The following EPS15 variants were observed in gnomAD, a reference collection of about 807,000 sequenced individuals.
EPS15 encodes epidermal growth factor receptor substrate 15.
Under a neutral mutation model 113.8 loss-of-function variants are expected in EPS15, and 72 were observed. That is an observed-to-expected ratio of 0.63 (90% CI 0.52 to 0.77). EPS15 has a LOEUF of 0.77. Among genes scored for constraint, EPS15 ranks in the 30% least tolerant of loss-of-function variants. The probability of loss-of-function intolerance (pLI) is 0.00; values close to 1 mark genes in which losing one functional copy is unlikely to be tolerated. For synonymous variants in EPS15, 344 were observed against 363.4 expected, an observed-to-expected ratio of 0.95 and a Z score of 0.61; for missense variants, 1,048 against 1,045.8, an observed-to-expected ratio of 1.00 and a Z score of -0.03.
chr1:51,413,284 T>G (rs1268563667), intron 13 of EPS15, among the ~76,000 whole-genome samples: 1 of 152,244 alleles, frequency 6.6e-6, no homozygotes, highest in Non-Finnish European at 1.5e-5. Flanking sequence ...CAAACTCTAC[T>G]GTTTGTTCCT....
At position 51,490,968 on chromosome 1, in the gene EPS15, C is replaced by T. The variant is rs553001832; in HGVS notation, c.34-9654G>A. 6.6e-5 allele frequency among the ~76,000 whole-genome samples: 10 copies of T among 152,184 alleles called. No individual in the cohort carries two copies. The South Asian group carries it at 2.1e-3, about 32-fold the overall frequency. On this transcript the variant is annotated intron_variant, in intron 1 of 24. Transcript: ENST00000371733. ...ATTAGGGAAAATTGGATGAAGGGTG[C>T]ATAGAGCCTCTCGGTACTACTTTTT...
Position 51,408,364 on chromosome 1 carries a change from G to C in EPS15, c.1276-32C>G, listed in dbSNP as rs375781613. The C allele has an allele frequency of 2.5e-5, 37 of 1,469,750 alleles. No homozygotes were observed. The African/African-American group carries it at 4.9e-4, about 19-fold the overall frequency. The allele number at this position is 1,469,750 out of a possible 1,614,324, so 91.0% of individuals were successfully genotyped here. ...TGTGAAAGTGAATGAGAAGAAATGG[G>C]GATTAAAAGAAGAGATGTCATTAAA... On this transcript the variant is annotated intron_variant, in intron 14 of 24. Transcript: ENST00000371733.
rs546460586 is a variant in EPS15, at chr1:51,366,384, T to C, written c.2120-355A>G. On this transcript the variant is annotated intron_variant, in intron 21 of 24. Transcript: ENST00000371733. Reference sequence around the variant, plus strand: ...AACCCAGCCAAGGCATCAAATTTCATGTTTTCTTTTGGTTAATCACATTCA... The same window carrying C: ...AACCCAGCCAAGGCATCAAATTTCACGTTTTCTTTTGGTTAATCACATTCA... Among the ~76,000 whole-genome samples the C allele has an allele frequency of 4.6e-5, 7 of 152,286 alleles. No homozygotes were observed. The South Asian group carries it at 1.5e-3, about 32-fold the overall frequency.
chr1:51,364,811 T>C (rs1646471847), intron 22 of EPS15, among the ~76,000 whole-genome samples: 2 of 151,622 alleles, frequency 1.3e-5, no homozygotes, highest in African/African-American at 4.9e-5. Flanking sequence ...AAAGTCAATT[T>C]TTTGAAGCAA....
chr1:51,395,517 CACACAT>C (rs780132105), intron 20 of EPS15, among the ~76,000 whole-genome samples: 1 of 147,700 alleles, frequency 6.8e-6, no homozygotes, highest in Non-Finnish European at 1.5e-5. Context: ...TACACACATA[CACACAT>C]ACACACACAC....
At chr1:51,491,344 AACC>A (rs1043761178) in intron 1 of EPS15, among the ~76,000 whole-genome samples, 1 of 152,136 alleles carries the variant, frequency 6.6e-6, no homozygotes, top group Non-Finnish European at 1.5e-5. Flanking sequence ...CTCCCACCTC[AACC>A]ACCACCACCA....
At chr1:51,381,754 C>A (rs1008767266) in intron 21 of EPS15, among the ~76,000 whole-genome samples, 2 of 151,994 alleles carry the variant, frequency 1.3e-5, no homozygotes, top group Non-Finnish European at 2.9e-5. Context: ...TAGAAAATAT[C>A]TTGAAACAAA....
rs1450909281 is a variant in EPS15 at position 51,356,735 on chromosome 1, T to C, written c.2656A>G (p.Ile886Val). The change falls in exon 25 of 25, where the codon ATT becomes GTT. Residue 886 changes from isoleucine to valine, a missense_variant. Physicochemically the swap from Ile to Val is conservative, Grantham distance 29. Transcript: ENST00000371733. The stretch of plus-strand genomic sequence containing the variant: ...GATATCTCAGATTTGCTGAGTGCAA[T>C]AGCCAGTTCTAAGTCTTCTTGTTCC... ...QQEQEDLELA[I>V]ALSKSEISEA 5.0e-6 allele frequency: 8 copies of C among 1,613,914 alleles called. No individual in the cohort carries two copies. Among genetic ancestry groups the C allele is most frequent in the African/African-American group, 4.0e-5 (3 of 74,934 alleles).
At chr1:51,390,889 T>C (rs1377709286) in intron 21 of EPS15, among the ~76,000 whole-genome samples, 1 of 152,198 alleles carries the variant, frequency 6.6e-6, no homozygotes, top group Non-Finnish European at 1.5e-5. Context: ...AGTTCAACCA[T>C]GTGGAATTCA....
At chr1:51,508,239 A>AAAAGAAAAGAG (rs1553139455) in intron 1 of EPS15, among the ~76,000 whole-genome samples, 1 of 72,716 alleles carries the variant, frequency 1.4e-5, no homozygotes, top group Admixed American at 1.2e-4. Flanking sequence ...AAAAGAAAAG[A>AAAAGAAAAGAG]AAGAGAGAAA....
At position 51,356,863 on chromosome 1, in the gene EPS15, C is replaced by A. The variant is rs370071422; in HGVS notation, c.2545-17G>T. ...AGAGGGATACTGCCATTTAAAAGAT[C>A]GATGAACAAACGAATAAATAAATGA... On this transcript the variant is annotated splice_polypyrimidine_tract_variant and intron_variant, in intron 24 of 24. Transcript: ENST00000371733. 3 of 1,591,192 alleles carry A rather than the reference C, an allele frequency of 1.9e-6. No homozygotes were observed. Among genetic ancestry groups the A allele is most frequent in the African/African-American group, 1.4e-5 (1 of 73,460 alleles).
intron 21 of EPS15, among the ~76,000 whole-genome samples, chr1:51,388,624 G>A (rs1324433202): frequency 6.6e-6 from 1 of 152,080 alleles, no homozygotes; most frequent in African/African-American, 2.4e-5. Context: ...AATAAAAACT[G>A]ATAAAGGGGA....
intron 12 of EPS15, 112 bp downstream of exon 12, chr1:51,440,231 CAGAA>C (rs1652476597): frequency 1.4e-5 from 6 of 422,850 alleles, no homozygotes; most frequent in East Asian, 1.0e-4. Flanking sequence ...ACATTAGAAA[CAGAA>C]AGGTGTGTGT....
chr1:51,511,145 G>T (rs946150361), intron 1 of EPS15, among the ~76,000 whole-genome samples: 1 of 151,832 alleles, frequency 6.6e-6, no homozygotes, highest in South Asian at 2.1e-4. Context: ...CAGCCTGAGC[G>T]ACAGAGCCAG....
At chr1:51,461,370 A>C (rs914739888) in intron 7 of EPS15, among the ~76,000 whole-genome samples, 1 of 151,914 alleles carries the variant, frequency 6.6e-6, no homozygotes, top group Non-Finnish European at 1.5e-5. Context: ...AAAAATAAAA[A>C]ATTAGCTGGG....
At chr1:51,422,623 C>T (rs1039273151) in intron 12 of EPS15, among the ~76,000 whole-genome samples, 2 of 152,212 alleles carry the variant, frequency 1.3e-5, no homozygotes, top group Non-Finnish European at 2.9e-5. Context: ...TGAACGAATC[C>T]CAAGCAACCT....
At chr1:51,437,151 A>G (rs1652215076) in intron 12 of EPS15, among the ~76,000 whole-genome samples, 1 of 152,190 alleles carries the variant, frequency 6.6e-6, no homozygotes, top group African/African-American at 2.4e-5. Flanking sequence ...TATATTTTCT[A>G]CTAGAAACAA....
At chr1:51,455,012 A>C (rs1283374527) in intron 8 of EPS15, among the ~76,000 whole-genome samples, 1 of 152,174 alleles carries the variant, frequency 6.6e-6, no homozygotes, top group Non-Finnish European at 1.5e-5. Context: ...GTGCTTAAAG[A>C]AGCTAAATTA....
intron 21 of EPS15, among the ~76,000 whole-genome samples, chr1:51,391,455 TAATAAAATAAAATAA>T (rs57219279): frequency 0.02 from 2,916 of 148,332 alleles, 94 homozygotes; most frequent in African/African-American, 0.069. Flanking sequence ...CCTAAAACTT[TAATAAAATAAAATAA>T]AATAAAATAA....
Sources: allele counts gnomAD v4.1 joint callset (sites outside exome capture counted in the v4.1 genomes callset), GRCh38; gene constraint gnomAD v4.1.1; transcripts MANE v1.5; gene names NCBI Gene and HGNC (gene_info 2026-07-23, HGNC 2026-07-21).